The following MAPKAP1 variants were observed in gnomAD, a reference collection of about 807,000 sequenced individuals.
The protein encoded by MAPKAP1 is target of rapamycin complex 2 subunit MAPKAP1.
Under a neutral mutation model 65.7 loss-of-function variants are expected in MAPKAP1, and 20 were observed. The ratio of observed to expected loss-of-function variants is 0.30; its 90% CI spans 0.21 to 0.44. MAPKAP1 has a LOEUF of 0.44. MAPKAP1 is among the 20% of genes least tolerant of loss of function. The pLI is 1.00. For synonymous variants in MAPKAP1, 222 were observed against 244.3 expected (o/e 0.91, Z 0.85); for missense variants, 423 against 648.0 (o/e 0.65, Z 3.77).
At chr9:125,661,877 T>C (rs1221551826) in intron 3 of MAPKAP1, among the ~76,000 whole-genome samples, 2 of 152,150 alleles carry the variant, frequency 1.3e-5, no homozygotes, top group Non-Finnish European at 2.9e-5. Flanking sequence ...TTATTTTAAA[T>C]AACTTTGTTA....
intron 1 of MAPKAP1, among the ~76,000 whole-genome samples, chr9:125,695,053 T>A (rs942172871): frequency 6.6e-6 from 1 of 152,266 alleles, no homozygotes; most frequent in African/African-American, 2.4e-5. Flanking sequence ...TTATTGTGTT[T>A]GTTGACTGTG....
chr9:125,589,533 C>G (rs1831890882), intron 4 of MAPKAP1, among the ~76,000 whole-genome samples: 1 of 152,172 alleles, frequency 6.6e-6, no homozygotes, highest in African/African-American at 2.4e-5. Flanking sequence ...CCCTCTTGCC[C>G]TTCCTCTATG....
intron 4 of MAPKAP1, among the ~76,000 whole-genome samples, chr9:125,648,776 A>G (rs1833806235): frequency 6.6e-6 from 1 of 152,120 alleles, no homozygotes; most frequent in Non-Finnish European, 1.5e-5. Flanking sequence ...CCCCGCCTCT[A>G]GAAAGAATAC....
chr9:125,469,456 G>A (rs1029742380), intron 9 of MAPKAP1, among the ~76,000 whole-genome samples: 2 of 151,980 alleles, frequency 1.3e-5, no homozygotes, highest in East Asian at 1.9e-4. Context: ...TCTGCTACAC[G>A]CTCCATACAT....
At chr9:125,565,108 A>G (rs748257893) in intron 5 of MAPKAP1, among the ~76,000 whole-genome samples, 2 of 152,234 alleles carry the variant, frequency 1.3e-5, no homozygotes, top group African/African-American at 2.4e-5. Context: ...TACATAAATC[A>G]TATCTCCAAA....
chr9:125,703,280 T>C (rs1454657935), intron 1 of MAPKAP1, among the ~76,000 whole-genome samples: 1 of 152,184 alleles, frequency 6.6e-6, no homozygotes, highest in African/African-American at 2.4e-5. Context: ...AATAATAATT[T>C]AATGAAGATT....
rs1185777494 is a variant in MAPKAP1 at position 125,437,552 on chromosome 9, T to C, written c.*1335A>G. On this transcript the variant is annotated 3_prime_UTR_variant, in exon 12 of 12. Transcript: ENST00000265960. ...CAAGCTACAAATATTTCTTTTGTTT[T>C]TGGGTGGGGGGTAGGAATGGAAGAC... The C allele has an allele frequency of 2.0e-5, 3 of 152,612 alleles. No homozygotes were observed. The highest frequency in any genetic ancestry group is 4.4e-5 in the Non-Finnish European group (3 of 68,034). The allele number at this position is 152,612 out of a possible 1,614,324, so 9.5% of individuals were successfully genotyped here.
At chr9:125,497,557 A>G (rs1053404370) in intron 8 of MAPKAP1, among the ~76,000 whole-genome samples, 2 of 152,222 alleles carry the variant, frequency 1.3e-5, no homozygotes, top group African/African-American at 2.4e-5. Context: ...TGTTGTTATA[A>G]TAAGAGCACT....
intron 4 of MAPKAP1, among the ~76,000 whole-genome samples, chr9:125,649,134 C>G (rs897547119): frequency 6.6e-6 from 1 of 152,088 alleles, no homozygotes; most frequent in Non-Finnish European, 1.5e-5. Flanking sequence ...CAAAGTACCC[C>G]AGGATGAGAA....
chr9:125,514,257 C>T (rs2133101447), intron 7 of MAPKAP1, among the ~76,000 whole-genome samples: 1 of 152,302 alleles, frequency 6.6e-6, no homozygotes, highest in African/African-American at 2.4e-5. Flanking sequence ...CTGTCCCCTT[C>T]TCTGTGCTCC....
At chr9:125,694,260 A>G (rs934768949) in intron 1 of MAPKAP1, among the ~76,000 whole-genome samples, 13 of 151,982 alleles carry the variant, frequency 8.6e-5, no homozygotes, top group Non-Finnish European at 1.9e-4. Flanking sequence ...CTCAGGAGGC[A>G]GAGGTTTCAG....
chr9:125,566,090 C>T (rs1417611890), intron 5 of MAPKAP1, among the ~76,000 whole-genome samples: 2 of 152,204 alleles, frequency 1.3e-5, no homozygotes, highest in East Asian at 3.8e-4. Flanking sequence ...GAAGAAGGGC[C>T]TCCTTGGCAT....
At chr9:125,681,026 C>T (rs1052088211) in intron 1 of MAPKAP1, among the ~76,000 whole-genome samples, 3 of 152,168 alleles carry the variant, frequency 2.0e-5, no homozygotes, top group African/African-American at 7.2e-5. Flanking sequence ...ATATTTAATC[C>T]TTACAGCCAC....
At chr9:125,589,593 C>T (rs927904273) in intron 4 of MAPKAP1, among the ~76,000 whole-genome samples, 5 of 152,126 alleles carry the variant, frequency 3.3e-5, no homozygotes, top group African/African-American at 1.2e-4. Flanking sequence ...AGCAATCATG[C>T]GGTTCCATCT....
chr9:125,561,849 AAACT>A (rs1202148753), intron 5 of MAPKAP1, among the ~76,000 whole-genome samples: 2 of 152,254 alleles, frequency 1.3e-5, no homozygotes, highest in Non-Finnish European at 2.9e-5. Flanking sequence ...AGTCATATGG[AAACT>A]AACTTATAGT....
intron 4 of MAPKAP1, among the ~76,000 whole-genome samples, chr9:125,628,866 T>TCAA (rs71374283): frequency 0.3 from 44,826 of 151,236 alleles, 7,680 homozygotes; most frequent in Non-Finnish European, 0.39. Flanking sequence ...ACTCTACAAC[T>TCAA]CAACAACAAC....
intron 3 of MAPKAP1, among the ~76,000 whole-genome samples, chr9:125,665,781 A>G (rs1834322918): frequency 6.6e-6 from 1 of 152,182 alleles, no homozygotes; most frequent in African/African-American, 2.4e-5. Flanking sequence ...TTATACCTCC[A>G]TTGTATTTGG....
intron 11 of MAPKAP1, 109 bp downstream of exon 11, chr9:125,444,392 G>T: frequency 1.2e-6 from 1 of 835,458 alleles, no homozygotes; most frequent in Non-Finnish European, 1.9e-6. Context: ...CTGGGCCCGG[G>T]AACCTTCTAT....
chr9:125,621,454 A>G (rs899729744), intron 4 of MAPKAP1, among the ~76,000 whole-genome samples: 5 of 152,212 alleles, frequency 3.3e-5, no homozygotes, highest in African/African-American at 1.2e-4. Flanking sequence ...TCTGTAAACC[A>G]GCAATACTAC....
Sources: allele counts gnomAD v4.1 joint callset (sites outside exome capture counted in the v4.1 genomes callset), GRCh38; gene constraint gnomAD v4.1.1; transcripts MANE v1.5; gene names NCBI Gene and HGNC (gene_info 2026-07-23, HGNC 2026-07-21).